The following PDXK variants were observed in gnomAD, a reference collection of about 807,000 sequenced individuals.
PDXK encodes the protein pyridoxal kinase.
Under a neutral mutation model 43.2 loss-of-function variants are expected in PDXK, and 15 were observed. The observed-to-expected ratio is 0.35, with a 90% CI of 0.23 to 0.53. The LOEUF is 0.53. Ranked by LOEUF, PDXK falls within the 20% of genes least tolerant of loss-of-function variation. PDXK has a pLI of 0.92. For missense variants in PDXK, 343 were observed against 417.0 expected (o/e 0.82, Z 1.54); for synonymous variants, 172 against 165.4 (o/e 1.04, Z -0.31).
intron 1 of PDXK, among the ~76,000 whole-genome samples, chr21:43,733,241 CTCCCCA>C (rs2083344163): frequency 4.5e-5 from 5 of 110,964 alleles, no homozygotes; most frequent in African/African-American, 1.4e-4. Flanking sequence ...CCGGAAGCCC[CTCCCCA>C]TCCCCACCCC....
chr21:43,719,509 T>C, intron 1 of PDXK, 128 bp downstream of exon 1: 1 of 1,320,944 alleles, frequency 7.6e-7, no homozygotes, highest in Non-Finnish European at 9.9e-7. Context: ...GCGGGCGCCC[T>C]GGAGGCAGGC....
In PDXK at chr21:43,745,933, G is replaced by A. The variant is rs2083631196; in HGVS notation, c.332-146G>A. 7.2e-6 allele frequency: 5 copies of A among 696,604 alleles called. No individual in the cohort carries two copies. The East Asian group carries it at 1.4e-4, about 19-fold the overall frequency. 43.2% of individuals were successfully genotyped at this position (696,604 alleles called of 1,614,324 possible). A position where few individuals can be genotyped will look rare whatever the true frequency, so the allele number is the denominator to read the frequency against. ...GATCGCCCGAGCCTGGAAGATCGAG[G>A]TTGCAGTGAACCATGATTGCACCAC... On this transcript the variant is annotated intron_variant, in intron 4 of 10. Transcript: ENST00000291565.
intron 1 of PDXK, among the ~76,000 whole-genome samples, chr21:43,725,796 C>A (rs2083247599): frequency 6.6e-6 from 1 of 151,722 alleles, no homozygotes; most frequent in Non-Finnish European, 1.5e-5. Flanking sequence ...TGCAACAGAG[C>A]AAGACTCAGG....
Position 43,761,857 on chromosome 21 carries a change from G to C in PDXK, c.*5794G>C, listed in dbSNP as rs985487316. 2 of 153,606 alleles carry C rather than the reference G, an allele frequency of 1.3e-5. No homozygotes were observed. The highest frequency in any genetic ancestry group is 6.5e-5 in the Admixed American group (1 of 15,290). 9.5% of individuals were successfully genotyped at this position (153,606 alleles called of 1,614,324 possible). ...CCCCTTCTTGGTGATGGGAGGCAGA[G>C]GTGCTGACGTTCTGGAGCATGGACG... On this transcript the variant is annotated 3_prime_UTR_variant, in exon 11 of 11. Coordinates refer to ENST00000291565, the MANE Select transcript of PDXK (RefSeq NM_003681.5).
At position 43,732,525 on chromosome 21, in the gene PDXK, G is replaced by A. The variant is rs758952228; in HGVS notation, c.88-1544G>A. 22 of 1,236,454 alleles carry A rather than the reference G, an allele frequency of 1.8e-5. 1 individual carries two copies. The highest frequency in any genetic ancestry group is 3.6e-5 in the South Asian group (3 of 83,624). The allele number at this position is 1,236,454 out of a possible 1,614,324, so 76.6% of individuals were successfully genotyped here. Reference sequence around the variant, plus strand: ...AGCAGAAAATAGCGACTTCATTCTCGGATACGTTTGCCAGCCCCAAAGGAT... The same window carrying A: ...AGCAGAAAATAGCGACTTCATTCTCAGATACGTTTGCCAGCCCCAAAGGAT... On this transcript the variant is annotated intron_variant, in intron 1 of 10. Transcript: ENST00000291565. The surrounding 1 kb of genome is among the most constrained non-coding windows in gnomAD (Gnocchi z 4.1).
At chr21:43,742,082 G>A (rs112154514) in intron 3 of PDXK, among the ~76,000 whole-genome samples, 5 of 152,284 alleles carry the variant, frequency 3.3e-5, no homozygotes, top group African/African-American at 4.8e-5. Context: ...CAGGACAGGT[G>A]GGTGGGACAC....
chr21:43,719,883 C>T (rs1318163815), intron 1 of PDXK: 2 of 985,348 alleles, frequency 2.0e-6, no homozygotes, highest in Admixed American at 6.1e-5. Context: ...AGGAAGAAGA[C>T]GCCGAGTGAG....
intron 4 of PDXK, among the ~76,000 whole-genome samples, chr21:43,745,083 C>T (rs775340397): frequency 3.3e-5 from 5 of 152,156 alleles, no homozygotes; most frequent in Non-Finnish European, 5.9e-5. Context: ...AGAAAGCAGA[C>T]GAAGGCTCGT....
intron 1 of PDXK, among the ~76,000 whole-genome samples, chr21:43,726,846 A>G (rs563441056): frequency 6.6e-6 from 1 of 151,474 alleles, no homozygotes; most frequent in Admixed American, 6.6e-5. Flanking sequence ...GTGGGTGTGC[A>G]TGTGTGTACA....
At chr21:43,726,055 C>T (rs559492605) in intron 1 of PDXK, among the ~76,000 whole-genome samples, 1 of 152,074 alleles carries the variant, frequency 6.6e-6, no homozygotes, top group Non-Finnish European at 1.5e-5. Flanking sequence ...CTGCCAGTCC[C>T]TGGGTCTGAG....
chr21:43,736,747 C>T (rs898196746), intron 2 of PDXK, among the ~76,000 whole-genome samples: 1 of 151,322 alleles, frequency 6.6e-6, no homozygotes. Context: ...ATCCTCCCAC[C>T]TCACCCTCTT....
intron 4 of PDXK, chr21:43,744,330 T>TCTACA: frequency 6.2e-6 from 1 of 161,534 alleles, no homozygotes; most frequent in Non-Finnish European, 1.4e-5. Context: ...CAGTGCTGGA[T>TCTACA]CCATCTTGAC....
In PDXK at chr21:43,755,940, C is replaced by A; in HGVS notation, c.827-11C>A. On this transcript the variant is annotated splice_polypyrimidine_tract_variant and intron_variant, in intron 10 of 10. Transcript: ENST00000291565. The stretch of plus-strand genomic sequence containing the variant: ...GAGATGGGAACTCAGTGCTCTCTGC[C>A]TGCCCCGCAGCCCAGGCCGGGGAAG... 1 of 1,596,916 alleles carries A rather than the reference C, an allele frequency of 6.3e-7. No individual in the cohort carries two copies. Among genetic ancestry groups the A allele is most frequent in the Non-Finnish European group, 8.6e-7 (1 of 1,167,108 alleles).
intron 1 of PDXK, among the ~76,000 whole-genome samples, chr21:43,727,074 G>C (rs1468023877): frequency 6.6e-6 from 1 of 152,212 alleles, no homozygotes; most frequent in African/African-American, 2.4e-5. Flanking sequence ...TCCTTCCTAG[G>C]AGGCTTGGTG....
intron 3 of PDXK, among the ~76,000 whole-genome samples, chr21:43,742,438 T>G (rs780108946): frequency 6.6e-6 from 1 of 152,052 alleles, no homozygotes; most frequent in Non-Finnish European, 1.5e-5. Context: ...CACCCTAGCC[T>G]CCCAAAGTGC....
rs2083856197 is a variant in PDXK, at chr21:43,756,638, T to G, written c.*575T>G. ...GGATTTCAGATCTTAGGCTGTTGTT[T>G]CACCGTATGGGAGGGTTGATGTGAG... On this transcript the variant is annotated 3_prime_UTR_variant, in exon 11 of 11. Transcript: ENST00000291565. 1 of 153,316 alleles carries G rather than the reference T, an allele frequency of 6.5e-6. No individual in the cohort carries two copies. The highest frequency in any genetic ancestry group is 6.5e-5 in the Admixed American group (1 of 15,394). The allele number at this position is 153,316 out of a possible 1,614,324, so 9.5% of individuals were successfully genotyped here. A position where few individuals can be genotyped will look rare whatever the true frequency, so the allele number is the denominator to read the frequency against.
chr21:43,724,030 C>G (rs2083229640), intron 1 of PDXK: 1 of 152,232 alleles, frequency 6.6e-6, no homozygotes, highest in Non-Finnish European at 1.5e-5. Flanking sequence ...TCGCAGAGAC[C>G]AGAAGGCAAG....
intron 1 of PDXK, among the ~76,000 whole-genome samples, chr21:43,731,595 C>T (rs1175094961): frequency 6.6e-6 from 1 of 152,096 alleles, no homozygotes; most frequent in African/African-American, 2.4e-5. Context: ...GGGCACCTGG[C>T]CTGTCTTTGT....
chr21:43,734,258 C>G lies in PDXK; in HGVS notation c.142+135C>G, dbSNP rs1006422883. 4 of 812,046 alleles carry G rather than the reference C, an allele frequency of 4.9e-6. No individual in the cohort carries two copies. Among genetic ancestry groups the G allele is most frequent in the South Asian group, 4.3e-5 (3 of 69,984 alleles). 50.3% of individuals were successfully genotyped at this position (812,046 alleles called of 1,614,324 possible). A position where few individuals can be genotyped will look rare whatever the true frequency, so the allele number is the denominator to read the frequency against. On this transcript the variant is annotated intron_variant, in intron 2 of 10. Transcript: ENST00000291565. The surrounding 1 kb of genome is among the most constrained non-coding windows in gnomAD (Gnocchi z 5.0). ...TTCGTGTGGACGGGGACCTGGAGTC[C>G]TGGGCGTCGCTCGGGCAGAGCCTGC... is the stretch of plus-strand genomic sequence containing the variant.
Sources: allele counts gnomAD v4.1 joint callset (sites outside exome capture counted in the v4.1 genomes callset), GRCh38; gene constraint gnomAD v4.1.1; non-coding constraint Gnocchi (gnomAD v3.1); transcripts MANE v1.5; gene names NCBI Gene and HGNC (gene_info 2026-07-23, HGNC 2026-07-21).